ADAMTS12: variants seen among roughly 807,000 people sequenced by gnomAD.
ADAMTS12 encodes A disintegrin and metalloproteinase with thrombospondin motifs 12.
A neutral mutation model predicts 167.8 loss-of-function variants in ADAMTS12; 118 were observed. The ratio of observed to expected loss-of-function variants is 0.70; its 90% CI spans 0.61 to 0.82. The LOEUF (loss-of-function observed/expected upper bound fraction) is 0.82. Among genes scored for constraint, ADAMTS12 ranks in the 40% least tolerant of loss-of-function variants. The probability of loss-of-function intolerance (pLI) is 0.00; values close to 1 mark genes in which losing one functional copy is unlikely to be tolerated. For missense variants in ADAMTS12, 1,916 were observed against 1,998.8 expected, an observed-to-expected ratio of 0.96 and a Z score of 0.79; for synonymous variants, 704 against 716.9, an observed-to-expected ratio of 0.98 and a Z score of 0.29.
At chr5:33,664,996 G>T (rs928661792) in intron 5 of ADAMTS12, among the ~76,000 whole-genome samples, 7 of 151,916 alleles carry the variant, frequency 4.6e-5, no homozygotes, top group African/African-American at 1.7e-4. Flanking sequence ...TAAAAAACTG[G>T]CCAGGTGGCA....
chr5:33,535,112 T>C, intron 22 of ADAMTS12, 120 bp from the exon 23 acceptor site: 6 of 1,018,038 alleles, frequency 5.9e-6, no homozygotes, highest in Non-Finnish European at 8.2e-6. Context: ...ACCAGAAACC[T>C]TTTTGGAGGA....
chr5:33,727,351 T>C (rs1744019976), intron 3 of ADAMTS12, among the ~76,000 whole-genome samples: 2 of 152,186 alleles, frequency 1.3e-5, no homozygotes, highest in Non-Finnish European at 2.9e-5. Flanking sequence ...TTCTCCTCCA[T>C]GGAGGCATTT....
chr5:33,707,883 T>G (rs1038815253), intron 3 of ADAMTS12, among the ~76,000 whole-genome samples: 1 of 152,120 alleles, frequency 6.6e-6, no homozygotes, highest in Non-Finnish European at 1.5e-5. Context: ...ATTCAGAACA[T>G]AGGCATGGAC....
intron 3 of ADAMTS12, among the ~76,000 whole-genome samples, chr5:33,703,351 GT>G: frequency 6.6e-6 from 1 of 152,260 alleles, no homozygotes; most frequent in African/African-American, 2.4e-5. Context: ...CACTATAAAT[GT>G]CATAAACTCA....
intron 3 of ADAMTS12, among the ~76,000 whole-genome samples, chr5:33,712,823 T>G (rs1743451549): frequency 6.6e-6 from 1 of 152,148 alleles, no homozygotes; most frequent in Admixed American, 6.5e-5. Flanking sequence ...TCCTGAACAC[T>G]GGGACTTTGG....
intron 20 of ADAMTS12, among the ~76,000 whole-genome samples, chr5:33,557,853 G>A (rs1016663363): frequency 6.6e-6 from 1 of 151,990 alleles, no homozygotes; most frequent in African/African-American, 2.4e-5. Flanking sequence ...GCCTGAGCTC[G>A]ACCTCCTGTC....
intron 3 of ADAMTS12, among the ~76,000 whole-genome samples, chr5:33,715,740 T>G (rs1040325998): frequency 6.6e-6 from 1 of 152,164 alleles, no homozygotes; most frequent in Non-Finnish European, 1.5e-5. Context: ...CAGCCTTTTT[T>G]GTGATAAAGA....
intron 2 of ADAMTS12, among the ~76,000 whole-genome samples, chr5:33,782,508 A>G (rs1227871430): frequency 6.6e-6 from 1 of 152,096 alleles, no homozygotes; most frequent in Non-Finnish European, 1.5e-5. Context: ...CATATAAAAT[A>G]AAAAAGTAAG....
intron 9 of ADAMTS12, 92 bp downstream of exon 9, chr5:33,648,730 A>G: frequency 7.0e-7 from 1 of 1,427,574 alleles, no homozygotes; most frequent in Non-Finnish European, 9.5e-7. Flanking sequence ...CTGTGTCTGG[A>G]TGTTCAGTTA....
chr5:33,585,060 T>C (rs959898201), intron 18 of ADAMTS12, among the ~76,000 whole-genome samples: 10 of 152,008 alleles, frequency 6.6e-5, no homozygotes, highest in Non-Finnish European at 1.0e-4. Flanking sequence ...CATCCATCCA[T>C]CCATCCATCC....
At chr5:33,838,247 T>G (rs1347517400) in intron 2 of ADAMTS12, among the ~76,000 whole-genome samples, 3 of 152,178 alleles carry the variant, frequency 2.0e-5, no homozygotes, top group African/African-American at 7.2e-5. Context: ...CCACATCAGT[T>G]ATATAGTTTG....
At chr5:33,601,122 T>TGTGC (rs1738167230) in intron 16 of ADAMTS12, among the ~76,000 whole-genome samples, 2 of 151,644 alleles carry the variant, frequency 1.3e-5, no homozygotes, top group South Asian at 4.2e-4. Context: ...TGTGTGTGTG[T>TGTGC]GTGTGTGTGT....
rs1307701526 is a variant in ADAMTS12, at chr5:33,661,962, T to G, written c.994A>C (p.Ser332Arg). Residue 332 changes from serine (S) to arginine (R), a missense_variant, in exon 6 of 24, where the codon AGT (serine) becomes CGT (arginine). Physicochemically the swap from Ser to Arg is moderately radical, Grantham distance 110. Coordinates refer to ENST00000504830, the MANE Select transcript of ADAMTS12 (RefSeq NM_030955.4). ...TCGTGATGAACAGGATTGAGGTCACTCTTGGGATTGATACTCTTCTGCCAC... is the reference window on the plus strand; with the variant it reads ...TCGTGATGAACAGGATTGAGGTCACGCTTGGGATTGATACTCTTCTGCCAC... ...CKWQKSINPKSDLNPVHHDVA... is the reference protein window; with the variant it reads ...CKWQKSINPKRDLNPVHHDVA... The G allele has an allele frequency of 6.2e-7, 1 of 1,613,482 alleles. No homozygotes were observed. The highest frequency in any genetic ancestry group is 2.2e-5 in the East Asian group (1 of 44,874).
Position 33,648,851 on chromosome 5 carries a change from G to C in ADAMTS12, c.1450C>G (p.Pro484Ala). ...VHHQCQLQYGPNATFCQEVEN... is the reference protein window; with the variant it reads ...VHHQCQLQYGANATFCQEVEN... ...ACTTCCTGGCAGAAGGTAGCATTGG[G>C]TCCATATTGTAGCTGGCACTGGTGG... Residue 484 changes from proline (P) to alanine (A), a missense_variant, in exon 9 of 24, where the codon CCC (proline) becomes GCC (alanine). Physicochemically the swap from Pro to Ala is conservative, Grantham distance 27 (BLOSUM62 -1). Coordinates refer to ENST00000504830, the MANE Select transcript of ADAMTS12 (RefSeq NM_030955.4). 1 of 1,613,966 alleles carries C rather than the reference G, an allele frequency of 6.2e-7. No homozygotes were observed. Among genetic ancestry groups the C allele is most frequent in the Non-Finnish European group, 8.5e-7 (1 of 1,179,958 alleles).
At chr5:33,642,793 A>G (rs926119110) in intron 10 of ADAMTS12, among the ~76,000 whole-genome samples, 1 of 151,872 alleles carries the variant, frequency 6.6e-6, no homozygotes, top group African/African-American at 2.4e-5. Context: ...CTGTAATCTC[A>G]GTGAGGGGTC....
chr5:33,812,127 TAA>T (rs996503237), intron 2 of ADAMTS12, among the ~76,000 whole-genome samples: 1 of 151,672 alleles, frequency 6.6e-6, no homozygotes, highest in Non-Finnish European at 1.5e-5. Context: ...TTCTACAAAT[TAA>T]AAAAACAAAA....
intron 2 of ADAMTS12, among the ~76,000 whole-genome samples, chr5:33,852,613 G>C (rs1749256037): frequency 6.6e-6 from 1 of 152,162 alleles, no homozygotes; most frequent in African/African-American, 2.4e-5. Flanking sequence ...AACTATGAAG[G>C]AATGTCTACA....
intron 2 of ADAMTS12, among the ~76,000 whole-genome samples, chr5:33,856,202 A>G (rs2910639): frequency 0.029 from 4,383 of 152,288 alleles, 182 homozygotes; most frequent in East Asian, 0.2. Context: ...GCTGTAGCTC[A>G]GTGGAAAAGG....
At chr5:33,599,727 T>G (rs1561158280) in intron 16 of ADAMTS12, among the ~76,000 whole-genome samples, 1 of 152,202 alleles carries the variant, frequency 6.6e-6, no homozygotes, top group East Asian at 1.9e-4. Flanking sequence ...AATTTCTCCT[T>G]TGCAGTAAAA....
Sources: allele counts gnomAD v4.1 joint callset (sites outside exome capture counted in the v4.1 genomes callset), GRCh38; gene constraint gnomAD v4.1.1; transcripts MANE v1.5; gene names NCBI Gene and HGNC (gene_info 2026-07-23, HGNC 2026-07-21).